SV2B: variants seen among roughly 807,000 people sequenced by gnomAD.
SV2B encodes synaptic vesicle glycoprotein 2B.
SV2B carries 41 observed loss-of-function variants against 73.9 expected under a neutral mutation model. The ratio of observed to expected loss-of-function variants is 0.56; its 90% CI spans 0.43 to 0.72. The LOEUF (loss-of-function observed/expected upper bound fraction) is 0.72. Ranked by LOEUF, SV2B falls within the 30% of genes least tolerant of loss-of-function variation. The pLI is 0.00. For synonymous variants in SV2B, 314 were observed against 314.2 expected (o/e 1.00, Z 0.01); for missense variants, 764 against 857.8 (o/e 0.89, Z 1.37).
intron 1 of SV2B, among the ~76,000 whole-genome samples, chr15:91,133,014 T>G (rs1234403051): frequency 2.0e-5 from 3 of 152,228 alleles, no homozygotes; most frequent in Admixed American, 6.5e-5. Context: ...GTTACCTCTG[T>G]TAGTTTATTT....
In SV2B at chr15:91,139,980, T is replaced by G. The variant is rs2042953713; in HGVS notation, c.-392+39617T>G. ...TTGGAAATTGGGCTCATGCTCTGGGTCAATGATTCTCAAAGTGTGGTCCTT... is the reference window on the plus strand; with the variant it reads ...TTGGAAATTGGGCTCATGCTCTGGGGCAATGATTCTCAAAGTGTGGTCCTT... On this transcript the variant is annotated intron_variant, in intron 1 of 12. Transcript: ENST00000394232. This position sits in a 1 kb window ranked among gnomAD's most constrained non-coding sequence, Gnocchi z 5.2. 6.6e-6 allele frequency among the ~76,000 whole-genome samples: 1 copy of G among 152,158 alleles called. No homozygotes were observed. The highest frequency in any genetic ancestry group is 2.1e-4 in the South Asian group (1 of 4,824).
chr15:91,134,003 C>CTTTTTTTTTTTT (rs1567278795), intron 1 of SV2B, among the ~76,000 whole-genome samples: 3 of 49,326 alleles, frequency 6.1e-5, no homozygotes, highest in Admixed American at 1.6e-4. Context: ...TTTCTTTCTT[C>CTTTTTTTTTTTT]CTTTTTTTTT....
At chr15:91,248,771 G>A (rs2047355198) in intron 2 of SV2B, among the ~76,000 whole-genome samples, 1 of 152,208 alleles carries the variant, frequency 6.6e-6, no homozygotes, top group African/African-American at 2.4e-5. Flanking sequence ...TGCTGGATCA[G>A]TATATGATTT....
intron 12 of SV2B, among the ~76,000 whole-genome samples, chr15:91,291,389 A>C (rs1023316411): frequency 3.3e-5 from 5 of 152,188 alleles, no homozygotes; most frequent in Admixed American, 3.3e-4. Context: ...ACAAAAATGA[A>C]AGAAGAGTTT....
At chr15:91,199,349 T>C (rs750657809) in intron 1 of SV2B, among the ~76,000 whole-genome samples, 2 of 151,958 alleles carry the variant, frequency 1.3e-5, no homozygotes, top group African/African-American at 2.4e-5. Flanking sequence ...GTCTAACAGA[T>C]AGAGTAACAA....
chr15:91,162,196 A>T (rs1426811329), intron 1 of SV2B, among the ~76,000 whole-genome samples: 1 of 152,174 alleles, frequency 6.6e-6, no homozygotes, highest in East Asian at 1.9e-4. Flanking sequence ...AATAGCTATT[A>T]AAAAGAAAAA....
In SV2B at chr15:91,124,660, A is replaced by AT. The variant is rs61616641; in HGVS notation, c.-392+24310dup. 4.4e-3 allele frequency among the ~76,000 whole-genome samples: 654 copies of AT among 147,652 alleles called. 3 individuals are homozygous for AT. The highest frequency in any genetic ancestry group is 4.8e-3 in the African/African-American group (196 of 40,598). ...CAGAAATTTCTTTCTTTCAACAAAA[A>AT]TTTTTTTTTTTTTGAGACAGTCTCA... On this transcript the variant is annotated intron_variant, in intron 1 of 12. Coordinates refer to ENST00000394232, the MANE Select transcript of SV2B (RefSeq NM_001323032.3). This position sits in a 1 kb window ranked among gnomAD's most constrained non-coding sequence, Gnocchi z 4.6.
chr15:91,182,648 TG>T (rs2044625307), intron 1 of SV2B, among the ~76,000 whole-genome samples: 1 of 152,104 alleles, frequency 6.6e-6, no homozygotes, highest in Non-Finnish European at 1.5e-5. Context: ...GCATCTACGA[TG>T]GGTCAGCATG....
intron 1 of SV2B, among the ~76,000 whole-genome samples, chr15:91,125,781 C>CAGAAAAAAAAAAAAAAAAAA (rs2042460608): frequency 1.8e-5 from 1 of 57,118 alleles, no homozygotes; most frequent in South Asian, 6.5e-4. Flanking sequence ...TCTCAAGGGG[C>CAGAAAAAAAAAAAAAAAAAA]AAAAAAAAAA....
At position 91,281,857 on chromosome 15, in the gene SV2B, C is replaced by A; in HGVS notation, c.1503C>A (p.Asn501Lys). The change falls in exon 10 of 13, where the codon AAC becomes AAA. Residue 501 changes from asparagine (N) to lysine (K), a missense_variant. Coordinates refer to ENST00000394232, the MANE Select transcript of SV2B (RefSeq NM_001323032.3). This position sits in a 1 kb window ranked among gnomAD's most constrained non-coding sequence, Gnocchi z 4.7. Reference sequence around the variant, plus strand: ...CCATTGAATCAACCATCTTTTACAACACAGGTAGGTAAGAACATTGACAGA... The same window carrying A: ...CCATTGAATCAACCATCTTTTACAAAACAGGTAGGTAAGAACATTGACAGA... ...NCTIESTIFY[N>K]TDLYEHKFIN... 2 of 1,609,390 alleles carry A rather than the reference C, an allele frequency of 1.2e-6. No individual in the cohort carries two copies. The highest frequency in any genetic ancestry group is 8.5e-7 in the Non-Finnish European group (1 of 1,177,456).
At position 91,110,371 on chromosome 15, in the gene SV2B, C is replaced by T. The variant is rs990396967; in HGVS notation, c.-392+10008C>T. On this transcript the variant is annotated intron_variant, in intron 1 of 12. Transcript: ENST00000394232. This position sits in a 1 kb window ranked among gnomAD's most constrained non-coding sequence, Gnocchi z 5.4. ...TCCCCTACACTGTCATGCTTAGAAACCCTCTGAAATGGCACAACTAGTTCT... is the reference window on the plus strand; with the variant it reads ...TCCCCTACACTGTCATGCTTAGAAATCCTCTGAAATGGCACAACTAGTTCT... Among the ~76,000 whole-genome samples the T allele has an allele frequency of 6.6e-6, 1 of 152,108 alleles. No homozygotes were observed. Among genetic ancestry groups the T allele is most frequent in the African/African-American group, 2.4e-5 (1 of 41,420 alleles).
chr15:91,167,571 C>G (rs11631514), intron 1 of SV2B, among the ~76,000 whole-genome samples: 1 of 152,058 alleles, frequency 6.6e-6, no homozygotes, highest in Non-Finnish European at 1.5e-5. Flanking sequence ...CTTCACACCT[C>G]TTTTTTGTCT....
chr15:91,177,830 A>C (rs1221074964), intron 1 of SV2B, among the ~76,000 whole-genome samples: 6 of 138,918 alleles, frequency 4.3e-5, no homozygotes, highest in Non-Finnish European at 7.7e-5. Context: ...CAATCATGTC[A>C]TCTGCAAACA....
chr15:91,167,822 G>T (rs1207315800), intron 1 of SV2B, among the ~76,000 whole-genome samples: 1 of 152,164 alleles, frequency 6.6e-6, no homozygotes, highest in Admixed American at 6.5e-5. Flanking sequence ...TATGTTACAA[G>T]AATCTAAGTT....
intron 1 of SV2B, among the ~76,000 whole-genome samples, chr15:91,193,123 T>G (rs76287857): frequency 0.033 from 4,951 of 152,258 alleles, 259 homozygotes; most frequent in African/African-American, 0.11. Flanking sequence ...TCAATATTGT[T>G]CCCGGTTCAG....
chr15:91,123,734 T>G lies in SV2B; in HGVS notation c.-392+23371T>G, dbSNP rs1250867506. On this transcript the variant is annotated intron_variant, in intron 1 of 12. Coordinates refer to ENST00000394232, the MANE Select transcript of SV2B (RefSeq NM_001323032.3). This position sits in a 1 kb window ranked among gnomAD's most constrained non-coding sequence, Gnocchi z 4.7. ...GTGATGCAGGTCTTCGGACTCCTCA[T>G]GCACTACTCCTTTCTCTATTCTGGG... is the stretch of plus-strand genomic sequence containing the variant. Among the ~76,000 whole-genome samples, 1 of 152,190 alleles carries G rather than the reference T, an allele frequency of 6.6e-6. No individual in the cohort carries two copies. Among genetic ancestry groups the G allele is most frequent in the East Asian group, 1.9e-4 (1 of 5,194 alleles).
At chr15:91,225,188 C>T (rs961738271) in intron 1 of SV2B, among the ~76,000 whole-genome samples, 1 of 152,218 alleles carries the variant, frequency 6.6e-6, no homozygotes, top group African/African-American at 2.4e-5. Context: ...CCCAGGTCAT[C>T]TGGCTGTATC....
chr15:91,193,992 G>A (rs1477822858), intron 1 of SV2B, among the ~76,000 whole-genome samples: 1 of 151,826 alleles, frequency 6.6e-6, no homozygotes, highest in Non-Finnish European at 1.5e-5. Context: ...CCAGGGTATA[G>A]AGGTTTTTTT....
At chr15:91,212,465 T>C (rs989701047) in intron 1 of SV2B, among the ~76,000 whole-genome samples, 2 of 152,184 alleles carry the variant, frequency 1.3e-5, no homozygotes, top group African/African-American at 4.8e-5. Context: ...GTCCCATCAT[T>C]AGGTAACTTG....
Sources: allele counts gnomAD v4.1 joint callset (sites outside exome capture counted in the v4.1 genomes callset), GRCh38; gene constraint gnomAD v4.1.1; non-coding constraint Gnocchi (gnomAD v3.1); transcripts MANE v1.5; gene names NCBI Gene and HGNC (gene_info 2026-07-23, HGNC 2026-07-21).